The following PAIP2B variants were observed in gnomAD, a reference collection of about 807,000 sequenced individuals.
PAIP2B encodes the protein polyadenylate-binding protein-interacting protein 2B.
In PAIP2B, 13 loss-of-function variants were observed where a neutral mutation model predicts 17.0. The ratio of observed to expected loss-of-function variants is 0.76; its 90% CI spans 0.50 to 1.22. The LOEUF (loss-of-function observed/expected upper bound fraction) is 1.22. Among genes scored for constraint, PAIP2B ranks in the 50% most tolerant of loss-of-function variants. The pLI is 0.00. For synonymous variants in PAIP2B, 43 were observed against 48.7 expected, an observed-to-expected ratio of 0.88 and a Z score of 0.48; for missense variants, 117 against 144.5, an observed-to-expected ratio of 0.81 and a Z score of 0.98.
intron 2 of PAIP2B, among the ~76,000 whole-genome samples, chr2:71,192,413 T>C (rs1674709360): frequency 6.6e-6 from 1 of 152,146 alleles, no homozygotes; most frequent in African/African-American, 2.4e-5. Flanking sequence ...TATTATTATA[T>C]CTGTTATAGT....
At chr2:71,216,801 G>C (rs185638561) in intron 1 of PAIP2B, among the ~76,000 whole-genome samples, 14 of 152,308 alleles carry the variant, frequency 9.2e-5, no homozygotes, top group African/African-American at 2.9e-4. Context: ...CAGGGATACT[G>C]TATGTTCTAT....
chr2:71,194,032 G>A (rs1674753431), intron 2 of PAIP2B, among the ~76,000 whole-genome samples: 1 of 152,048 alleles, frequency 6.6e-6, no homozygotes, highest in Non-Finnish European at 1.5e-5. Flanking sequence ...AGATGTAGAT[G>A]TGTGGTCTCA....
chr2:71,214,035 C>T (rs1184516220), intron 1 of PAIP2B, among the ~76,000 whole-genome samples: 3 of 152,316 alleles, frequency 2.0e-5, no homozygotes, highest in Admixed American at 2.0e-4. Flanking sequence ...AGAGACAGGT[C>T]TCACTATGAT....
At chr2:71,205,909 C>T (rs1675113882) in intron 1 of PAIP2B, among the ~76,000 whole-genome samples, 1 of 152,064 alleles carries the variant, frequency 6.6e-6, no homozygotes, top group African/African-American at 2.4e-5. Flanking sequence ...GGAAATGAAC[C>T]ATCATGTAAG....
rs114058959 is a variant in PAIP2B, at chr2:71,208,593, C to G, written c.-11-5993G>C. 3.9e-5 allele frequency among the ~76,000 whole-genome samples: 6 copies of G among 152,236 alleles called. No individual in the cohort carries two copies. The South Asian group carries it at 6.2e-4, about 16-fold the overall frequency. ...TGATTTGGATTAAATGGTAGCCCCC[C>G]CAAAAATATGTCCATGTCCTAATCC... On this transcript the variant is annotated intron_variant, in intron 1 of 3. Coordinates refer to ENST00000244221, the MANE Select transcript of PAIP2B (RefSeq NM_020459.1).
rs1674497684 is a variant in PAIP2B at position 71,184,959 on chromosome 2, T to C, written c.*3520A>G. 1.3e-5 allele frequency: 2 copies of C among 152,154 alleles called. No homozygotes were observed. The highest frequency in any genetic ancestry group is 2.4e-5 in the African/African-American group (1 of 41,434). 9.4% of individuals were successfully genotyped at this position (152,154 alleles called of 1,614,324 possible). ...TTAGCCCGTGATGGTGGGACCCTTATTGACGAAGGCCTGCCCCCTCCTCAC... is the reference window on the plus strand; with the variant it reads ...TTAGCCCGTGATGGTGGGACCCTTACTGACGAAGGCCTGCCCCCTCCTCAC... On this transcript the variant is annotated 3_prime_UTR_variant, in exon 4 of 4. Transcript: ENST00000244221.
chr2:71,198,447 G>A (rs1038340932), intron 2 of PAIP2B, among the ~76,000 whole-genome samples: 11 of 152,042 alleles, frequency 7.2e-5, no homozygotes, highest in East Asian at 3.9e-4. Context: ...TACCACGCCC[G>A]GCTAATTTTT....
chr2:71,225,385 T>C (rs553410320), intron 1 of PAIP2B, among the ~76,000 whole-genome samples: 1 of 152,340 alleles, frequency 6.6e-6, no homozygotes, highest in African/African-American at 2.4e-5. Context: ...TATAATTTTT[T>C]CCACAAAAGC....
chr2:71,221,985 T>A (rs1043292179), intron 1 of PAIP2B, among the ~76,000 whole-genome samples: 2 of 152,166 alleles, frequency 1.3e-5, no homozygotes, highest in Non-Finnish European at 2.9e-5. Flanking sequence ...AATAAGGGAA[T>A]AAAAGCTGGC....
intron 2 of PAIP2B, among the ~76,000 whole-genome samples, chr2:71,197,685 A>C (rs1003557352): frequency 6.6e-6 from 1 of 152,252 alleles, no homozygotes; most frequent in African/African-American, 2.4e-5. Context: ...TTATAGTTTC[A>C]TGTGGCTGGG....
intron 1 of PAIP2B, among the ~76,000 whole-genome samples, chr2:71,207,867 G>T (rs548642863): frequency 6.6e-6 from 1 of 152,080 alleles, no homozygotes; most frequent in Non-Finnish European, 1.5e-5. Context: ...TGATAGGGGC[G>T]TGGGGGTAAA....
At chr2:71,226,321 G>A (rs1675723013) in intron 1 of PAIP2B, among the ~76,000 whole-genome samples, 1 of 152,186 alleles carries the variant, frequency 6.6e-6, no homozygotes, top group African/African-American at 2.4e-5. Flanking sequence ...TGGAATTTAG[G>A]GGTTGGTAGG....
chr2:71,224,897 C>T (rs1370703618), intron 1 of PAIP2B, among the ~76,000 whole-genome samples: 1 of 152,216 alleles, frequency 6.6e-6, no homozygotes, highest in African/African-American at 2.4e-5. Flanking sequence ...TGGTTTTCAG[C>T]TGCAGTCACA....
intron 1 of PAIP2B, among the ~76,000 whole-genome samples, chr2:71,209,972 G>C (rs1675252458): frequency 1.3e-5 from 2 of 151,828 alleles, no homozygotes; most frequent in Admixed American, 1.3e-4. Context: ...CTACAGGTAC[G>C]TGCCACTATG....
intron 2 of PAIP2B, among the ~76,000 whole-genome samples, chr2:71,192,110 C>A (rs571949115): frequency 3.1e-4 from 47 of 152,252 alleles, no homozygotes; most frequent in African/African-American, 1.1e-3. Flanking sequence ...CACCTTTTCC[C>A]ATTAACACAA....
intron 1 of PAIP2B, among the ~76,000 whole-genome samples, chr2:71,203,021 T>C (rs1181963398): frequency 6.6e-6 from 1 of 152,208 alleles, no homozygotes; most frequent in East Asian, 1.9e-4. Flanking sequence ...CAAGCTGTTT[T>C]TCTTTAAAAT....
rs573461849 is a variant in PAIP2B, at chr2:71,191,520, C to T, written c.139-1499G>A. On this transcript the variant is annotated intron_variant, in intron 2 of 3. Transcript: ENST00000244221. ...ATTCACACAGATCCCGACAGAGCCA[C>T]ATTAGGTGGAAATTGCTGTCTGTCC... 4.6e-5 allele frequency among the ~76,000 whole-genome samples: 7 copies of T among 152,366 alleles called. No homozygotes were observed. In the South Asian group the frequency reaches 1.2e-3, roughly 27 times the overall value.
intron 2 of PAIP2B, among the ~76,000 whole-genome samples, chr2:71,193,988 C>G (rs1368718684): frequency 6.6e-6 from 1 of 152,130 alleles, no homozygotes. Context: ...AGTCTTTTCC[C>G]TAGTGCTTGT....
chr2:71,223,347 G>T (rs1164827327), intron 1 of PAIP2B, among the ~76,000 whole-genome samples: 1 of 152,062 alleles, frequency 6.6e-6, no homozygotes. Context: ...GGATGCAGAG[G>T]TTGCAGTGAG....
Sources: allele counts gnomAD v4.1 joint callset (sites outside exome capture counted in the v4.1 genomes callset), GRCh38; gene constraint gnomAD v4.1.1; transcripts MANE v1.5; gene names NCBI Gene and HGNC (gene_info 2026-07-23, HGNC 2026-07-21).